Variants in MRTFB observed in about 807,000 individuals in gnomAD.
MRTFB encodes myocardin-related transcription factor B.
MRTFB carries 29 observed loss-of-function variants against 104.2 expected under a neutral mutation model. The ratio of observed to expected loss-of-function variants is 0.28; its 90% confidence interval spans 0.21 to 0.38. The LOEUF is 0.38. Ranked by LOEUF, MRTFB falls within the 10% of genes least tolerant of loss-of-function variation. MRTFB has a pLI of 1.00. For synonymous variants in MRTFB, 535 were observed against 519.5 expected (o/e 1.03, Z -0.41); for missense variants, 1,270 against 1,341.6 (o/e 0.95, Z 0.83).
intron 2 of MRTFB, among the ~76,000 whole-genome samples, chr16:14,093,580 T>C (rs1006666236): frequency 2.0e-5 from 3 of 152,238 alleles, no homozygotes; most frequent in African/African-American, 4.8e-5. Flanking sequence ...GGTATATAGA[T>C]ACTATGATCA....
At chr16:14,174,514 C>T (rs12103129) in intron 3 of MRTFB, among the ~76,000 whole-genome samples, 13,470 of 152,070 alleles carry the variant, frequency 0.089, 1,228 homozygotes, top group African/African-American at 0.23. Flanking sequence ...GAAACCCCGC[C>T]TCTACTAAAA....
intron 3 of MRTFB, among the ~76,000 whole-genome samples, chr16:14,166,308 A>G (rs1390051945): frequency 9.3e-5 from 14 of 151,320 alleles, no homozygotes. Context: ...TATCCATATA[A>G]TAAACACATA....
At chr16:14,203,112 T>C (rs2040781119) in intron 3 of MRTFB, among the ~76,000 whole-genome samples, 1 of 152,172 alleles carries the variant, frequency 6.6e-6, no homozygotes, top group South Asian at 2.1e-4. Flanking sequence ...TCTTCAGAGA[T>C]GGTTCATCTA....
At chr16:14,011,264 C>G in the MRTFB span, among the ~76,000 whole-genome samples, 1 of 152,252 alleles carries the variant, frequency 6.6e-6, no homozygotes, top group Non-Finnish European at 1.5e-5. Context: ...GAGCCTTGGA[C>G]TCAGGAAGAA....
chr16:14,028,551 A>G, the MRTFB span, among the ~76,000 whole-genome samples: 1 of 152,160 alleles, frequency 6.6e-6, no homozygotes, highest in Non-Finnish European at 1.5e-5. Flanking sequence ...CACTGGGGAC[A>G]TGGGGCCCCT....
At chr16:14,031,193 G>T in the MRTFB span, among the ~76,000 whole-genome samples, 258 of 152,134 alleles carry the variant, frequency 1.7e-3, 2 homozygotes, top group Non-Finnish European at 3.5e-4. Context: ...GGAGTTCAAG[G>T]CCAGCCTGAT....
Position 14,247,097 on chromosome 16 carries a change from C to G in MRTFB, c.1837C>G (p.Pro613Ala), listed in dbSNP as rs753854241. ...EVEKRGQQQRPLEAQPSAPGH... is the reference protein window; with the variant it reads ...EVEKRGQQQRALEAQPSAPGH... ...TGAAAAACGAGGGCAGCAGCAGCGG[C>G]CCCTGGAAGCCCAGCCCAGTGCCCC... is the stretch of plus-strand genomic sequence containing the variant. The change falls in exon 12 of 17, where the codon CCC becomes GCC. Residue 613 changes from proline (P) to alanine (A), a missense_variant. Around this residue, in one of 3 missense-constraint regions of MRTFB, gnomAD observed 1,144 missense variants for 1,131.5 expected, o/e 1.01. Coordinates refer to ENST00000571589, the MANE Select transcript of MRTFB (RefSeq NM_001308142.2). 6.2e-7 allele frequency: 1 copy of G among 1,614,164 alleles called. No homozygotes were observed. Among genetic ancestry groups the G allele is most frequent in the Non-Finnish European group, 8.5e-7 (1 of 1,180,046 alleles).
chr16:14,127,680 T>C (rs946751972), intron 2 of MRTFB, among the ~76,000 whole-genome samples: 3 of 149,986 alleles, frequency 2.0e-5, no homozygotes, highest in Non-Finnish European at 4.5e-5. Context: ...AAATCCCCTC[T>C]AGCCTTGGCC....
Position 14,246,931 on chromosome 16 carries a change from C to T in MRTFB, c.1671C>T (p.Ser557=). 1.2e-6 allele frequency: 2 copies of T among 1,614,030 alleles called. No individual in the cohort carries two copies. Among genetic ancestry groups the T allele is most frequent in the South Asian group, 2.2e-5 (2 of 91,082 alleles). Residue 557 remains serine, a synonymous_variant, in exon 12 of 17, where the codon AGC becomes AGT. Coordinates refer to ENST00000571589, the MANE Select transcript of MRTFB (RefSeq NM_001308142.2). ...ATGAAGACAGTCTGAGTCCCACCAG[C>T]AGCACTCTGTCAAACCTGGAACTGG... ...TNNEDSLSPT[S]STLSNLELDA...
chr16:14,184,321 C>G (rs932721890), intron 3 of MRTFB, among the ~76,000 whole-genome samples: 1 of 151,102 alleles, frequency 6.6e-6, no homozygotes, highest in African/African-American at 2.4e-5. Context: ...CTCCCGGGTT[C>G]AAGCGATTGT....
At position 14,247,097 on chromosome 16, in the gene MRTFB, C is replaced by A. The variant is rs753854241; in HGVS notation, c.1837C>A (p.Pro613Thr). ...EVEKRGQQQR[P>T]LEAQPSAPGH... ...TGAAAAACGAGGGCAGCAGCAGCGG[C>A]CCCTGGAAGCCCAGCCCAGTGCCCC... The change falls in exon 12 of 17, where the codon CCC becomes ACC. Residue 613 changes from proline to threonine, a missense_variant. Coordinates refer to ENST00000571589, the MANE Select transcript of MRTFB (RefSeq NM_001308142.2). 6 of 1,614,164 alleles carry A rather than the reference C, an allele frequency of 3.7e-6. No homozygotes were observed. The highest frequency in any genetic ancestry group is 3.3e-5 in the Admixed American group (2 of 60,030).
chr16:14,014,524 C>T, the MRTFB span, among the ~76,000 whole-genome samples: 1 of 151,626 alleles, frequency 6.6e-6, no homozygotes, highest in African/African-American at 2.4e-5. Flanking sequence ...CCACTGCGCT[C>T]CAACATGGGC....
chr16:14,038,787 TAAAG>T, the MRTFB span, among the ~76,000 whole-genome samples: 9 of 152,190 alleles, frequency 5.9e-5, no homozygotes, highest in Non-Finnish European at 1.3e-4. Context: ...ACACTGCTGA[TAAAG>T]ACATACCTGA....
rs2043940948 is a variant in MRTFB, at chr16:14,266,169, A to C, written c.*4725A>C. The C allele has an allele frequency of 6.6e-6, 1 of 152,238 alleles. No individual in the cohort carries two copies. The highest frequency in any genetic ancestry group is 2.1e-4 in the South Asian group (1 of 4,836). 9.4% of individuals were successfully genotyped at this position (152,238 alleles called of 1,614,324 possible). ...TAATGAGATCTCAAAAATCAGCCCC[A>C]AAAAGGTATTATCCATTTAAGGTTA... On this transcript the variant is annotated 3_prime_UTR_variant, in exon 17 of 17. Transcript: ENST00000571589.
At chr16:14,260,888 T>C (rs2043746953) in intron 16 of MRTFB, 21 bp from the exon 17 acceptor site, 2 of 1,562,682 alleles carry the variant, frequency 1.3e-6, no homozygotes, top group Non-Finnish European at 1.7e-6. Flanking sequence ...AGTTACTAAT[T>C]ACTTCATTTA....
chr16:14,077,049 C>A (rs534165063), intron 1 of MRTFB, among the ~76,000 whole-genome samples: 16 of 152,068 alleles, frequency 1.1e-4, no homozygotes, highest in African/African-American at 3.4e-4. Context: ...TTGCAGTTTC[C>A]CTCAACTTGT....
chr16:14,050,588 TA>T, the MRTFB span, among the ~76,000 whole-genome samples: 1 of 152,124 alleles, frequency 6.6e-6, no homozygotes, highest in Non-Finnish European at 1.5e-5. Flanking sequence ...ACTCCATCTC[TA>T]AAAATTAAAT....
At chr16:14,193,980 G>A (rs189599985) in intron 3 of MRTFB, among the ~76,000 whole-genome samples, 70 of 152,146 alleles carry the variant, frequency 4.6e-4, no homozygotes, top group African/African-American at 1.5e-3. Flanking sequence ...TACAGTTTTC[G>A]ACTTAAACCC....
chr16:14,067,792 GAATT>G (rs113115230), upstream of MRTFB, among the ~76,000 whole-genome samples: 17,748 of 151,846 alleles, frequency 0.12, 2,276 homozygotes, highest in African/African-American at 0.32. Context: ...ATTGTTCTCA[GAATT>G]ATTTATTTCA....
Sources: gnomAD v4.1 joint callset for allele counts (sites outside exome capture counted in the v4.1 genomes callset) on GRCh38, gnomAD v4.1.1 for gene constraint, gnomAD v4.1.1 regional missense constraint, MANE v1.5 for transcripts, NCBI Gene and HGNC (gene_info 2026-07-23, HGNC 2026-07-21) for gene names.